AKNAD1: variants seen among roughly 807,000 people sequenced by gnomAD.
AKNAD1 encodes protein AKNAD1.
AKNAD1 carries 67 observed loss-of-function variants against 90.8 expected under a neutral mutation model. The ratio of observed to expected loss-of-function variants is 0.74; its 90% CI spans 0.61 to 0.90. The LOEUF (loss-of-function observed/expected upper bound fraction) is 0.90. Among genes scored for constraint, AKNAD1 ranks in the 40% least tolerant of loss-of-function variants. The pLI is 0.00. For synonymous variants in AKNAD1, 327 were observed against 341.4 expected, an observed-to-expected ratio of 0.96 and a Z score of 0.46; for missense variants, 957 against 975.4, an observed-to-expected ratio of 0.98 and a Z score of 0.25.
chr1:108,853,877 A>G (rs974287443), intron 1 of AKNAD1, among the ~76,000 whole-genome samples: 2 of 152,100 alleles, frequency 1.3e-5, no homozygotes, highest in African/African-American at 4.8e-5. Context: ...CAGAGGTTGC[A>G]GTGAGCCGAG....
intron 1 of AKNAD1, among the ~76,000 whole-genome samples, chr1:108,853,504 G>A (rs928260745): frequency 4.6e-5 from 7 of 151,684 alleles, no homozygotes; most frequent in Non-Finnish European, 1.5e-5. Context: ...ATGTGGCGAT[G>A]GAAGCTGGCC....
intron 14 of AKNAD1, among the ~76,000 whole-genome samples, chr1:108,819,455 CA>C (rs34501326): frequency 2.6e-3 from 339 of 130,276 alleles, no homozygotes; most frequent in East Asian, 0.02. Flanking sequence ...CCATCTCTAC[CA>C]AAAAAAAAAA....
At chr1:108,828,263 A>T (rs1006307397) in intron 10 of AKNAD1, among the ~76,000 whole-genome samples, 1 of 151,684 alleles carries the variant, frequency 6.6e-6, no homozygotes, top group Non-Finnish European at 1.5e-5. Context: ...CTGAGGGAGC[A>T]CGTGAAGGTG....
chr1:108,835,057 C>A lies in AKNAD1; in HGVS notation c.1537-1G>T. 1 of 1,571,518 alleles carries A rather than the reference C, an allele frequency of 6.4e-7. No individual in the cohort carries two copies. Among genetic ancestry groups the A allele is most frequent in the Non-Finnish European group, 8.6e-7 (1 of 1,164,486 alleles). On this transcript the variant is annotated splice_acceptor_variant, in intron 7 of 15. Transcript: ENST00000370001. LOFTEE classifies it high-confidence loss of function. ...GGTGGCCGGGGTGCTCCTTGGGAAT[C>A]TGGGGGAGCCACACAGAAAGACTTG...
At chr1:108,826,742 C>CT (rs1363102278) in intron 11 of AKNAD1, among the ~76,000 whole-genome samples, 1,650 of 59,498 alleles carry the variant, frequency 0.028, 35 homozygotes, top group Non-Finnish European at 0.047. Context: ...TTTTCTTTTT[C>CT]TTTTTTTTTT....
At position 108,852,016 on chromosome 1, in the gene AKNAD1, T is replaced by C. The variant is rs2101219239; in HGVS notation, c.649A>G (p.Lys217Glu). ...SHQENVNVLT[K>E]TKGPGDKQKS... ...TGTTTATCACCTGGACCCTTGGTTT[T>C]AGTTAGAACATTCACATTTTCTTGA... Residue 217 changes from lysine to glutamate, a missense_variant, in exon 2 of 16, where the codon AAA (lysine) becomes GAA (glutamate). Physicochemically the swap from Lys to Glu is moderately conservative, Grantham distance 56 (BLOSUM62 1). Coordinates refer to ENST00000370001, the MANE Select transcript of AKNAD1 (RefSeq NM_152763.5). 1 of 1,614,108 alleles carries C rather than the reference T, an allele frequency of 6.2e-7. No homozygotes were observed. The highest frequency in any genetic ancestry group is 2.2e-5 in the East Asian group (1 of 44,888).
rs1190992423 is a variant in AKNAD1, at chr1:108,851,868, G to A, written c.797C>T (p.Pro266Leu). Reference protein sequence around the residue: ...YQLPDFSKIAPKVKIPKNKII... With the variant: ...YQLPDFSKIALKVKIPKNKII... ...CTTATTTTTAGGAATTTTCACTTTG[G>A]GAGCAATCTTAGAGAAATCAGGGAG... Residue 266 changes from proline (P) to leucine (L), a missense_variant, in exon 2 of 16, where the codon CCC becomes CTC. Transcript: ENST00000370001. The A allele has an allele frequency of 9.3e-6, 15 of 1,613,498 alleles. No individual in the cohort carries two copies. Among genetic ancestry groups the A allele is most frequent in the Non-Finnish European group, 1.3e-5 (15 of 1,179,904 alleles).
Position 108,830,423 on chromosome 1 carries a change from C to G in AKNAD1, c.1838+136G>C, listed in dbSNP as rs1005192065. The G allele has an allele frequency of 6.6e-6, 5 of 762,826 alleles. No individual in the cohort carries two copies. In the South Asian group the frequency reaches 8.5e-5, roughly 13 times the overall value. 47.3% of individuals were successfully genotyped at this position (762,826 alleles called of 1,614,324 possible). ...TGTAGGGTGCGAGGGAGGCTGGGCT[C>G]TGTGCCCAGGCCTGAGATCTGTGAC... On this transcript the variant is annotated intron_variant, in intron 10 of 15. Coordinates refer to ENST00000370001, the MANE Select transcript of AKNAD1 (RefSeq NM_152763.5).
chr1:108,839,471 T>A (rs78811043), intron 6 of AKNAD1, among the ~76,000 whole-genome samples: 63 of 126,138 alleles, frequency 5.0e-4, no homozygotes, highest in East Asian at 6.4e-4. Flanking sequence ...TCCGTCTCAA[T>A]AAAAAAAAAA....
At chr1:108,855,895 T>TA (rs1232088418) in intron 1 of AKNAD1, among the ~76,000 whole-genome samples, 2 of 149,472 alleles carry the variant, frequency 1.3e-5, no homozygotes, top group Admixed American at 6.6e-5. Flanking sequence ...TTTTTTTTTT[T>TA]AGACAAGGTC....
rs759462726 is a variant in AKNAD1 at position 108,834,541 on chromosome 1, A to AC, written c.1665-14_1665-13insG. On this transcript the variant is annotated splice_polypyrimidine_tract_variant and intron_variant, in intron 8 of 15. Transcript: ENST00000370001. ...ACCGTTTAGGTAACTAATTTAAAAA[A>AC]AAAAAAAGCAGTTTGAATGTTAGAA... 2 of 1,583,014 alleles carry AC rather than the reference A, an allele frequency of 1.3e-6. No individual in the cohort carries two copies. The highest frequency in any genetic ancestry group is 1.7e-6 in the Non-Finnish European group (2 of 1,166,160).
intron 10 of AKNAD1, 74 bp from the exon 11 acceptor site, chr1:108,827,376 G>A: frequency 1.7e-6 from 2 of 1,160,200 alleles, no homozygotes; most frequent in East Asian, 2.4e-5. Context: ...TGGTAAAGTT[G>A]AAACGTTAAA....
intron 7 of AKNAD1, among the ~76,000 whole-genome samples, chr1:108,836,369 C>A (rs1210463105): frequency 6.6e-6 from 1 of 152,030 alleles, no homozygotes; most frequent in African/African-American, 2.4e-5. Context: ...CCTGGGCTTT[C>A]AGCTGGACAT....
At chr1:108,831,645 C>CTT (rs869205220) in intron 9 of AKNAD1, among the ~76,000 whole-genome samples, 6 of 141,200 alleles carry the variant, frequency 4.2e-5, no homozygotes, top group Non-Finnish European at 6.2e-5. Context: ...CTACCTGTGA[C>CTT]TTTTTTTTTT....
chr1:108,830,546 A>G lies in AKNAD1; in HGVS notation c.1838+13T>C, dbSNP rs1664158784. ...CAATCCACCCTGGGAATGTAGCCAC[A>G]AGAAGCCCTCACCATTCAAGGAGCC... On this transcript the variant is annotated intron_variant, in intron 10 of 15. Transcript: ENST00000370001. 6.2e-7 allele frequency: 1 copy of G among 1,613,340 alleles called. No individual in the cohort carries two copies. The highest frequency in any genetic ancestry group is 1.1e-5 in the South Asian group (1 of 91,068).
intron 6 of AKNAD1, among the ~76,000 whole-genome samples, chr1:108,840,922 G>C (rs1388080792): frequency 6.6e-6 from 1 of 152,178 alleles, no homozygotes; most frequent in Non-Finnish European, 1.5e-5. Context: ...TGTAATCCCA[G>C]CACTTTGGGA....
chr1:108,849,060 C>T lies in AKNAD1; in HGVS notation c.1034G>A (p.Gly345Glu). The T allele has an allele frequency of 6.3e-7, 1 of 1,586,382 alleles. No homozygotes were observed. Among genetic ancestry groups the T allele is most frequent in the South Asian group, 1.2e-5 (1 of 84,714 alleles). Residue 345 changes from glycine to glutamate, a missense_variant and splice_region_variant, in exon 4 of 16, where the codon GGA (glycine) becomes GAA (glutamate). Gly to Glu is a moderately conservative substitution (Grantham distance 98). Coordinates refer to ENST00000370001, the MANE Select transcript of AKNAD1 (RefSeq NM_152763.5). ...AGAGAGACTTGCCTCAGATTCTATT[C>T]CTATACAAGAAAGAACACATTTGGG... ...IVHIHQELLT[G>E]IESEASLSKL...
At chr1:108,848,139 G>A (rs1016639954) in intron 5 of AKNAD1, among the ~76,000 whole-genome samples, 2 of 152,128 alleles carry the variant, frequency 1.3e-5, no homozygotes, top group Non-Finnish European at 2.9e-5. Flanking sequence ...TTGTTGATGA[G>A]CCAATGGCCT....
chr1:108,837,412 T>C, intron 7 of AKNAD1, 138 bp downstream of exon 7: 1 of 806,296 alleles, frequency 1.2e-6, no homozygotes, highest in Non-Finnish European at 1.9e-6. Flanking sequence ...TAAAATAATA[T>C]AATTCATGGG....
Sources: gnomAD v4.1 joint callset for allele counts (sites outside exome capture counted in the v4.1 genomes callset) on GRCh38, gnomAD v4.1.1 for gene constraint, MANE v1.5 for transcripts, NCBI Gene and HGNC (gene_info 2026-07-23, HGNC 2026-07-21) for gene names.